The following KLB variants were observed in gnomAD, a reference collection of about 807,000 sequenced individuals.
KLB encodes the protein beta-klotho.
A neutral mutation model predicts 88.4 loss-of-function variants in KLB; 44 were observed. The ratio of observed to expected loss-of-function variants is 0.50; its 90% CI spans 0.39 to 0.64. KLB has a LOEUF of 0.64. KLB is among the 30% of genes least tolerant of loss of function. KLB has a pLI of 0.00. For missense variants in KLB, 1,137 were observed against 1,304.8 expected (o/e 0.87, Z 1.98); for synonymous variants, 548 against 513.4 (o/e 1.07, Z -0.91).
In KLB at chr4:39,451,439, G is replaced by A. The variant is rs1489955940; in HGVS notation, c.*2753G>A. On this transcript the variant is annotated 3_prime_UTR_variant, in exon 5 of 5. Transcript: ENST00000257408. ...CACAACTATATTTAAAGAGCCTCTG[G>A]AAAATGAGGCCAGTACAGTGTGACT... The A allele has an allele frequency of 6.6e-6, 1 of 152,180 alleles. No individual in the cohort carries two copies. Among genetic ancestry groups the A allele is most frequent in the Admixed American group, 6.5e-5 (1 of 15,278 alleles). The allele number at this position is 152,180 out of a possible 1,614,324, so 9.4% of individuals were successfully genotyped here.
In KLB at chr4:39,450,556, G is replaced by C. The variant is rs1743868798; in HGVS notation, c.*1870G>C. On this transcript the variant is annotated 3_prime_UTR_variant, in exon 5 of 5. Transcript: ENST00000257408. ...TAAAATTCTGCTTTACTCTTCTCTA[G>C]TCTCCTTGCCCCAGCTGCACCCACT... is the stretch of plus-strand genomic sequence containing the variant. 6.6e-6 allele frequency: 1 copy of C among 152,098 alleles called. No individual in the cohort carries two copies. 9.4% of individuals were successfully genotyped at this position (152,098 alleles called of 1,614,324 possible). A position where few individuals can be genotyped will look rare whatever the true frequency, so the allele number is the denominator to read the frequency against.
At chr4:39,434,835 T>C in intron 2 of KLB, 115 bp downstream of exon 2, 1 of 825,982 alleles carries the variant, frequency 1.2e-6, no homozygotes, top group Non-Finnish European at 1.8e-6. Context: ...GAAACGGAGT[T>C]TCTCGCTGTC....
Position 39,437,936 on chromosome 4 carries a change from G to C in KLB, c.1546G>C (p.Asp516His), listed in dbSNP as rs780447012. Residue 516 changes from aspartate to histidine, a missense_variant, in exon 3 of 5, where the codon GAT becomes CAT. Physicochemically the swap from Asp to His is moderately conservative, Grantham distance 81. Coordinates refer to ENST00000257408, the MANE Select transcript of KLB (RefSeq NM_175737.4). ...TTTTTCTTTAAAAGAGTCCACGCCA[G>C]ATGTGCAGGGCCAGTTTCCCTGTGA... ...NGFSLKESTP[D>H]VQGQFPCDFS... is the part of the protein sequence containing the mutation. The C allele has an allele frequency of 2.5e-5, 41 of 1,614,210 alleles. No individual in the cohort carries two copies. In the Admixed American group the frequency reaches 6.7e-4, roughly 26 times the overall value.
chr4:39,442,459 A>C (rs1309677345), intron 3 of KLB, among the ~76,000 whole-genome samples: 2 of 143,184 alleles, frequency 1.4e-5, no homozygotes, highest in East Asian at 4.0e-4. Context: ...TTTGAGACAG[A>C]GCCTTGCTCT....
At position 39,449,822 on chromosome 4, in the gene KLB, G is replaced by C. The variant is rs1306165656; in HGVS notation, c.*1136G>C. 6.6e-6 allele frequency: 1 copy of C among 152,242 alleles called. No homozygotes were observed. The highest frequency in any genetic ancestry group is 1.5e-5 in the Non-Finnish European group (1 of 68,166). 9.4% of individuals were successfully genotyped at this position (152,242 alleles called of 1,614,324 possible). ...CACCTGTAATCCCAGCTACTCAGGA[G>C]GCCGAGGCAGGAGAATCGCTTGAAC... On this transcript the variant is annotated 3_prime_UTR_variant, in exon 5 of 5. Transcript: ENST00000257408.
chr4:39,445,645 C>T (rs1743723115), intron 3 of KLB, among the ~76,000 whole-genome samples: 3 of 150,794 alleles, frequency 2.0e-5, no homozygotes, highest in Admixed American at 2.0e-4. Flanking sequence ...GCTGGGATTA[C>T]AAGCATGCGC....
At chr4:39,445,493 A>T (rs1201553545) in intron 3 of KLB, among the ~76,000 whole-genome samples, 1 of 138,350 alleles carries the variant, frequency 7.2e-6, no homozygotes, top group Non-Finnish European at 1.6e-5. Flanking sequence ...TATCACTTGA[A>T]CTTTTCTTTT....
intron 1 of KLB, among the ~76,000 whole-genome samples, chr4:39,416,997 A>G: frequency 6.6e-6 from 1 of 152,138 alleles, no homozygotes; most frequent in East Asian, 1.9e-4. Flanking sequence ...TAAGTGTAAT[A>G]TTTTGAAATG....
intron 3 of KLB, chr4:39,441,782 A>G (rs1298418841): frequency 6.8e-6 from 1 of 146,868 alleles, no homozygotes; most frequent in East Asian, 1.9e-4. Context: ...AAATAAATAA[A>G]TAAATAAATA....
chr4:39,438,175 C>G (rs538163032), intron 3 of KLB, among the ~76,000 whole-genome samples, 180 bp downstream of exon 3: 15 of 152,006 alleles, frequency 9.9e-5, no homozygotes, highest in Non-Finnish European at 1.9e-4. Flanking sequence ...TGCTGAGAGC[C>G]TTTCATGGGC....
chr4:39,435,645 C>T (rs770512344), intron 2 of KLB, among the ~76,000 whole-genome samples: 10 of 151,896 alleles, frequency 6.6e-5, no homozygotes, highest in Non-Finnish European at 1.3e-4. Flanking sequence ...AGGTTGGTCT[C>T]GAACTCCTGA....
intron 3 of KLB, among the ~76,000 whole-genome samples, chr4:39,441,990 C>T (rs894768156): frequency 1.3e-5 from 2 of 152,026 alleles, no homozygotes; most frequent in East Asian, 3.9e-4. Context: ...TCCTGTAATC[C>T]CAGCACTTTG....
chr4:39,446,245 C>G lies in KLB; in HGVS notation c.1606-87C>G. On this transcript the variant is annotated intron_variant, in intron 3 of 4. Coordinates refer to ENST00000257408, the MANE Select transcript of KLB (RefSeq NM_175737.4). This position sits in a 1 kb window ranked among gnomAD's most constrained non-coding sequence, Gnocchi z 6.4. ...GGCCTGGCGTGGTGGCCTGTAATCCCAGCACTTTGGGAGGCAGAGGTAGGC... is the reference window on the plus strand; with the variant it reads ...GGCCTGGCGTGGTGGCCTGTAATCCGAGCACTTTGGGAGGCAGAGGTAGGC... The G allele has an allele frequency of 3.1e-6, 4 of 1,281,840 alleles. No homozygotes were observed. The highest frequency in any genetic ancestry group is 4.3e-6 in the Non-Finnish European group (4 of 927,090). The allele number at this position is 1,281,840 out of a possible 1,614,324, so 79.4% of individuals were successfully genotyped here.
chr4:39,431,834 T>A (rs111660933), intron 1 of KLB, among the ~76,000 whole-genome samples: 1,631 of 152,350 alleles, frequency 0.011, 19 homozygotes, highest in Non-Finnish European at 0.016. Context: ...GAATCCATTG[T>A]TCATATCTGC....
Position 39,421,752 on chromosome 4 carries a change from C to CAA in KLB, c.826-12445_826-12444dup, listed in dbSNP as rs769591546. On this transcript the variant is annotated intron_variant, in intron 1 of 4. Transcript: ENST00000257408. ...CCTGGGCAACAGAGCAACACTCCGT[C>CAA]AAAAAAAAAAAAAAGACAAGGTCTC... Among the ~76,000 whole-genome samples the CAA allele has an allele frequency of 2.2e-5, 3 of 135,514 alleles. No individual in the cohort carries two copies. In the South Asian group the frequency reaches 7.3e-4, roughly 33 times the overall value. 88.9% of individuals were successfully genotyped at this position (135,514 alleles called of 152,430 possible).
At chr4:39,435,414 A>G (rs1373493140) in intron 2 of KLB, among the ~76,000 whole-genome samples, 1 of 151,860 alleles carries the variant, frequency 6.6e-6, no homozygotes, top group Admixed American at 6.6e-5. Context: ...CACCGCACCC[A>G]GCCTGAAATT....
chr4:39,407,807 A>G, intron 1 of KLB, 33 bp downstream of exon 1: 1 of 1,228,212 alleles, frequency 8.1e-7, no homozygotes, highest in Non-Finnish European at 1.1e-6. Flanking sequence ...TTATAGCTTC[A>G]GAAAACACTA....
chr4:39,448,263 T>C (rs1743805990), intron 4 of KLB, 38 bp from the exon 5 acceptor site: 1 of 1,454,376 alleles, frequency 6.9e-7, no homozygotes, highest in South Asian at 1.4e-5. Flanking sequence ...TACTTCATAG[T>C]CCATTTGTGA....
intron 2 of KLB, among the ~76,000 whole-genome samples, chr4:39,437,148 C>T (rs1743489081): frequency 6.6e-6 from 1 of 152,188 alleles, no homozygotes; most frequent in Non-Finnish European, 1.5e-5. Flanking sequence ...AGAAATTTGC[C>T]CAATAGCATG....
Sources: gnomAD v4.1 joint callset for allele counts (sites outside exome capture counted in the v4.1 genomes callset) on GRCh38, gnomAD v4.1.1 for gene constraint, Gnocchi (gnomAD v3.1) non-coding constraint, MANE v1.5 for transcripts, NCBI Gene and HGNC (gene_info 2026-07-23, HGNC 2026-07-21) for gene names.